Variants in SIDT2 observed in about 807,000 individuals in gnomAD.
SIDT2 encodes the protein SID1 transmembrane family member 2, also known as SID1 transmembrane family, member 2.
In SIDT2, 68 loss-of-function variants were observed where a neutral mutation model predicts 114.4. The observed-to-expected ratio is 0.59, with a 90% CI of 0.49 to 0.73. The LOEUF (loss-of-function observed/expected upper bound fraction) is 0.73. Ranked by LOEUF, SIDT2 falls within the 30% of genes least tolerant of loss-of-function variation. The pLI is 0.00. For missense variants in SIDT2, 918 were observed against 1,097.1 expected, an observed-to-expected ratio of 0.84 and a Z score of 2.31; for synonymous variants, 470 against 438.4, an observed-to-expected ratio of 1.07 and a Z score of -0.90.
Position 117,192,607 on chromosome 11 carries a change from T to A in SIDT2, c.2015T>A (p.Leu672His). Reference sequence around the variant, plus strand: ...ATCTTCCGCCGCATCCTCCACGTGCTCTACACAGACTGCATCCGGCAGTGC... The same window carrying A: ...ATCTTCCGCCGCATCCTCCACGTGCACTACACAGACTGCATCCGGCAGTGC... ...SGIFRRILHV[L>H]YTDCIRQCSG... Residue 672 changes from leucine (L) to histidine (H), a missense_variant, in exon 21 of 26, where the codon CTC becomes CAC. Physicochemically the swap from Leu to His is moderately conservative, Grantham distance 99. Around this residue, in one of 4 missense-constraint regions of SIDT2, gnomAD observed 275 missense variants for 397.6 expected, o/e 0.69. Transcript: ENST00000324225. This position sits in a 1 kb window ranked among gnomAD's most constrained non-coding sequence, Gnocchi z 5.9. 6.2e-7 allele frequency: 1 copy of A among 1,611,504 alleles called. No individual in the cohort carries two copies. The highest frequency in any genetic ancestry group is 1.1e-5 in the South Asian group (1 of 91,086).
rs1447476405 is a variant in SIDT2, at chr11:117,196,935, C to T, written c.*869C>T. ...TGCCATTGACACTGCCCAAGAATGT[C>T]CAGGGGCAAAGGAGGGATGATACAG... On this transcript the variant is annotated 3_prime_UTR_variant, in exon 26 of 26. Transcript: ENST00000324225. The surrounding 1 kb of genome is among the most constrained non-coding windows in gnomAD (Gnocchi z 4.9). The T allele has an allele frequency of 6.5e-6, 1 of 152,718 alleles. No homozygotes were observed. The highest frequency in any genetic ancestry group is 1.5e-5 in the Non-Finnish European group (1 of 68,084). 9.5% of individuals were successfully genotyped at this position (152,718 alleles called of 1,614,324 possible). A position where few individuals can be genotyped will look rare whatever the true frequency, so the allele number is the denominator to read the frequency against.
intron 8 of SIDT2, among the ~76,000 whole-genome samples, chr11:117,185,016 G>A (rs189929714): frequency 2.0e-4 from 31 of 151,366 alleles, no homozygotes; most frequent in Admixed American, 1.6e-3. Context: ...ATGAGCCACC[G>A]TGCCCAGCCA....
rs768410126 is a variant in SIDT2, at chr11:117,181,802, C to A, written c.306-5C>A. The A allele has an allele frequency of 3.1e-6, 5 of 1,614,148 alleles. No homozygotes were observed. Among genetic ancestry groups the A allele is most frequent in the Middle Eastern group, 3.3e-4 (2 of 6,062 alleles). On this transcript the variant is annotated splice_region_variant and splice_polypyrimidine_tract_variant and intron_variant, in intron 2 of 25. Coordinates refer to ENST00000324225, the MANE Select transcript of SIDT2 (RefSeq NM_001040455.2). ...CACATCCTATCTCCCTGCTTCGGGC[C>A]ATAGGTTTCAGCGCAAGTACCTCTA...
chr11:117,181,804 T>C lies in SIDT2; in HGVS notation c.306-3T>C, dbSNP rs776643434. The C allele has an allele frequency of 8.7e-6, 14 of 1,613,976 alleles. No homozygotes were observed. Among genetic ancestry groups the C allele is most frequent in the Non-Finnish European group, 1.2e-5 (14 of 1,180,024 alleles). On this transcript the variant is annotated splice_region_variant and splice_polypyrimidine_tract_variant and intron_variant, in intron 2 of 25. Coordinates refer to ENST00000324225, the MANE Select transcript of SIDT2 (RefSeq NM_001040455.2). ...CATCCTATCTCCCTGCTTCGGGCCA[T>C]AGGTTTCAGCGCAAGTACCTCTACC...
At position 117,183,770 on chromosome 11, in the gene SIDT2, A is replaced by T. The variant is rs1453619419; in HGVS notation, c.703-9A>T. On this transcript the variant is annotated splice_polypyrimidine_tract_variant and intron_variant, in intron 6 of 25. Coordinates refer to ENST00000324225, the MANE Select transcript of SIDT2 (RefSeq NM_001040455.2). The stretch of plus-strand genomic sequence containing the variant: ...GATGAAGAAGATATTTATCATCATC[A>T]TCCTGCAGCGCAAAGACTTCCCCAG... 6.3e-7 allele frequency: 1 copy of T among 1,592,476 alleles called. No individual in the cohort carries two copies. Among genetic ancestry groups the T allele is most frequent in the Admixed American group, 1.7e-5 (1 of 59,938 alleles).
At chr11:117,191,719 TA>T in intron 18 of SIDT2, 158 bp from the exon 19 acceptor site, 1 of 944,784 alleles carries the variant, frequency 1.1e-6, no homozygotes. Flanking sequence ...CAGGTACAAC[TA>T]AGGAACTGAA....
rs766907325 is a variant in SIDT2, at chr11:117,182,776, G to T, written c.672G>T (p.Thr224=). The T allele has an allele frequency of 1.2e-6, 2 of 1,614,164 alleles. No homozygotes were observed. Among genetic ancestry groups the T allele is most frequent in the Non-Finnish European group, 1.7e-6 (2 of 1,180,016 alleles). The change falls in exon 6 of 26, where the codon ACG becomes ACT. Residue 224 remains threonine, a synonymous_variant. Coordinates refer to ENST00000324225, the MANE Select transcript of SIDT2 (RefSeq NM_001040455.2). ...NNVAFIGMYQ[T]MTKKAAITVQ... is the part of the protein sequence containing the mutation. ...TAGCCTTCATCGGCATGTACCAGACGATGACCAAGAAGGCGGCCATCACCG... is the reference window on the plus strand; with the variant it reads ...TAGCCTTCATCGGCATGTACCAGACTATGACCAAGAAGGCGGCCATCACCG...
At position 117,180,212 on chromosome 11, in the gene SIDT2, A is replaced by G. The variant is rs531570628; in HGVS notation, c.183+766A>G. 5.3e-5 allele frequency among the ~76,000 whole-genome samples: 8 copies of G among 152,280 alleles called. No individual in the cohort carries two copies. In the South Asian group the frequency reaches 1.2e-3, roughly 24 times the overall value. ...CATGACTGCCGTTTACTGAGAAGCA[A>G]TGGAGTTGAGAATGGGGAATCTGAT... On this transcript the variant is annotated intron_variant, in intron 1 of 25. Coordinates refer to ENST00000324225, the MANE Select transcript of SIDT2 (RefSeq NM_001040455.2).
intron 6 of SIDT2, 42 bp downstream of exon 6, chr11:117,182,848 A>G (rs1591766245): frequency 1.3e-6 from 2 of 1,590,054 alleles, no homozygotes; most frequent in East Asian, 2.3e-5. Flanking sequence ...TGGCTGGGCG[A>G]TAAGCTGTGT....
Position 117,193,141 on chromosome 11 carries a change from C to A in SIDT2, c.2106-12C>A, listed in dbSNP as rs1203073658. 2 of 1,613,876 alleles carry A rather than the reference C, an allele frequency of 1.2e-6. No homozygotes were observed. Among genetic ancestry groups the A allele is most frequent in the Non-Finnish European group, 1.7e-6 (2 of 1,179,742 alleles). On this transcript the variant is annotated splice_polypyrimidine_tract_variant and intron_variant, in intron 22 of 25. Coordinates refer to ENST00000324225, the MANE Select transcript of SIDT2 (RefSeq NM_001040455.2). ...GGCTTCCTGCTTCACCACCCTTCAT[C>A]CCTCTTGCCAGGGCTGCCTATGGGC... is the stretch of plus-strand genomic sequence containing the variant.
intron 1 of SIDT2, chr11:117,179,662 TC>T (rs2030187394): frequency 1.8e-6 from 1 of 547,178 alleles, no homozygotes; most frequent in Non-Finnish European, 3.2e-6. Context: ...TGAAGTTGGC[TC>T]ATTCCCATCT....
At position 117,192,998 on chromosome 11, in the gene SIDT2, C is replaced by T. The variant is rs1254805824; in HGVS notation, c.2105+132C>T. On this transcript the variant is annotated intron_variant, in intron 22 of 25. Coordinates refer to ENST00000324225, the MANE Select transcript of SIDT2 (RefSeq NM_001040455.2). This position sits in a 1 kb window ranked among gnomAD's most constrained non-coding sequence, Gnocchi z 5.9. ...ACATGGGGGCTAAGAGAGATCTTGG[C>T]CTCTCTTCTCTCTCTTGGCATCTGG... 8 of 1,344,920 alleles carry T rather than the reference C, an allele frequency of 5.9e-6. No homozygotes were observed. The highest frequency in any genetic ancestry group is 2.9e-5 in the African/African-American group (2 of 69,404). The allele number at this position is 1,344,920 out of a possible 1,614,324, so 83.3% of individuals were successfully genotyped here.
chr11:117,182,952 C>T (rs2030352442), intron 6 of SIDT2, 146 bp downstream of exon 6: 1 of 844,932 alleles, frequency 1.2e-6, no homozygotes, highest in African/African-American at 1.7e-5. Context: ...TTTGAGTCCC[C>T]TGATATATAT....
At position 117,192,071 on chromosome 11, in the gene SIDT2, C is replaced by G. The variant is rs775547649; in HGVS notation, c.1872+57C>G. The G allele has an allele frequency of 4.6e-5, 74 of 1,608,460 alleles. No homozygotes were observed. Among genetic ancestry groups the G allele is most frequent in the Admixed American group, 1.3e-4 (8 of 59,764 alleles). On this transcript the variant is annotated intron_variant, in intron 19 of 25. Coordinates refer to ENST00000324225, the MANE Select transcript of SIDT2 (RefSeq NM_001040455.2). The surrounding 1 kb of genome is among the most constrained non-coding windows in gnomAD (Gnocchi z 5.9). The stretch of plus-strand genomic sequence containing the variant: ...ATGATAGGAAAGGTGCACGTGCGTT[C>G]AGACACGTAGTGCACACCCTCCGCC...
chr11:117,187,049 G>A (rs1388309700), intron 10 of SIDT2: 3 of 1,458,976 alleles, frequency 2.1e-6, no homozygotes, highest in African/African-American at 1.4e-5. Flanking sequence ...CAGAGTAGGG[G>A]AGGGAGGGTG....
chr11:117,193,136 T>A lies in SIDT2; in HGVS notation c.2106-17T>A. On this transcript the variant is annotated splice_polypyrimidine_tract_variant and intron_variant, in intron 22 of 25. Coordinates refer to ENST00000324225, the MANE Select transcript of SIDT2 (RefSeq NM_001040455.2). ...CCTTGGGCTTCCTGCTTCACCACCCTTCATCCCTCTTGCCAGGGCTGCCTA... is the reference window on the plus strand; with the variant it reads ...CCTTGGGCTTCCTGCTTCACCACCCATCATCCCTCTTGCCAGGGCTGCCTA... 1 of 1,613,628 alleles carries A rather than the reference T, an allele frequency of 6.2e-7. No homozygotes were observed. Among genetic ancestry groups the A allele is most frequent in the Non-Finnish European group, 8.5e-7 (1 of 1,179,552 alleles).
At position 117,179,657 on chromosome 11, in the gene SIDT2, T is replaced by G. The variant is rs900890065; in HGVS notation, c.183+211T>G. ...AGCTCCAGCTGGGCAGTTTTTGAAG[T>G]TGGCTCATTCCCATCTTCTCTTCCG... On this transcript the variant is annotated intron_variant, in intron 1 of 25. Transcript: ENST00000324225. 6 of 555,946 alleles carry G rather than the reference T, an allele frequency of 1.1e-5. No homozygotes were observed. The Admixed American group carries it at 2.1e-4, about 19-fold the overall frequency. The allele number at this position is 555,946 out of a possible 1,614,324, so 34.4% of individuals were successfully genotyped here.
rs1419553063 is a variant in SIDT2, at chr11:117,188,059, A to G, written c.1159+360A>G. 2.0e-6 allele frequency: 1 copy of G among 490,304 alleles called. No homozygotes were observed. The highest frequency in any genetic ancestry group is 5.3e-5 in the East Asian group (1 of 18,944). The allele number at this position is 490,304 out of a possible 1,614,324, so 30.4% of individuals were successfully genotyped here. ...AAGATTCTATGTGCATGGCTTCCCC[A>G]TGTAATTCCAGTAATTGCCCGCTCT... On this transcript the variant is annotated intron_variant, in intron 12 of 25. Transcript: ENST00000324225. The surrounding 1 kb of genome is among the most constrained non-coding windows in gnomAD (Gnocchi z 4.0).
At chr11:117,195,482 T>G (rs577953049) in intron 24 of SIDT2, among the ~76,000 whole-genome samples, 19 of 152,288 alleles carry the variant, frequency 1.2e-4, no homozygotes, top group African/African-American at 4.3e-4. Flanking sequence ...GAGAAGGCCT[T>G]CTGCCATCTC....
Sources: allele counts gnomAD v4.1 joint callset (sites outside exome capture counted in the v4.1 genomes callset), GRCh38; gene constraint gnomAD v4.1.1; regional missense constraint gnomAD v4.1.1; non-coding constraint Gnocchi (gnomAD v3.1); transcripts MANE v1.5; gene names NCBI Gene and HGNC (gene_info 2026-07-23, HGNC 2026-07-21).